The following CDK13 variants were observed in gnomAD, a reference collection of about 807,000 sequenced individuals.
CDK13 encodes cyclin dependent kinase 13.
In CDK13, 40 loss-of-function variants were observed where a neutral mutation model predicts 137.6. The observed-to-expected ratio is 0.29, with a 90% CI of 0.23 to 0.38. CDK13 has a LOEUF of 0.38. Ranked by LOEUF, CDK13 falls within the 10% of genes least tolerant of loss-of-function variation. CDK13 has a pLI of 1.00. For missense variants in CDK13, 1,704 were observed against 1,951.8 expected (o/e 0.87, Z 2.39); for synonymous variants, 869 against 760.1 (o/e 1.14, Z -2.36).
chr7:40,071,670 A>T (rs1345796534), intron 9 of CDK13: 1 of 152,178 alleles, frequency 6.6e-6, no homozygotes, highest in Non-Finnish European at 1.5e-5. Context: ...AGATCTTCCA[A>T]ATGTAATGTT....
intron 7 of CDK13, among the ~76,000 whole-genome samples, chr7:40,058,788 G>A (rs1035680234): frequency 2.6e-5 from 4 of 152,132 alleles, no homozygotes; most frequent in African/African-American, 9.7e-5. Context: ...GTAGGTGTTA[G>A]AAAATAGATC....
At chr7:39,975,657 A>C (rs1466251930) in intron 1 of CDK13, among the ~76,000 whole-genome samples, 1 of 152,194 alleles carries the variant, frequency 6.6e-6, no homozygotes, top group Non-Finnish European at 1.5e-5. Flanking sequence ...CCGCCATGTG[A>C]TGATCTAAGC....
chr7:39,988,588 A>T (rs1562714557), intron 2 of CDK13, among the ~76,000 whole-genome samples: 1 of 152,150 alleles, frequency 6.6e-6, no homozygotes, highest in Non-Finnish European at 1.5e-5. Flanking sequence ...ATATTTTATG[A>T]ATAAGTTGGC....
intron 2 of CDK13, among the ~76,000 whole-genome samples, chr7:39,993,259 G>A (rs1193881399): frequency 6.6e-6 from 1 of 152,000 alleles, no homozygotes; most frequent in Admixed American, 6.6e-5. Context: ...GTAAATACGT[G>A]TTTCCCCATA....
chr7:40,043,554 T>A (rs1395080683), intron 5 of CDK13, among the ~76,000 whole-genome samples: 1 of 152,134 alleles, frequency 6.6e-6, no homozygotes, highest in Non-Finnish European at 1.5e-5. Context: ...GCGTGGTACC[T>A]CAAACCTGTA....
In CDK13 at chr7:39,992,163, G is replaced by GGTGTGT. The variant is rs140203379; in HGVS notation, c.1871+3938_1871+3943dup. Among the ~76,000 whole-genome samples, 1,453 of 146,366 alleles carry GGTGTGT rather than the reference G, an allele frequency of 9.9e-3. 17 individuals are homozygous for GGTGTGT. The highest frequency in any genetic ancestry group is 0.028 in the African/African-American group (1,087 of 39,360). Reference sequence around the variant, plus strand: ...CTAGTTGTTTAAGAGAACTAATGAGGGTGTGTGTGTGTGTGTGTGTGTGTG... The same window carrying GGTGTGT: ...CTAGTTGTTTAAGAGAACTAATGAGGGTGTGTGTGTGTGTGTGTGTGTGTGTGTGTG... On this transcript the variant is annotated intron_variant, in intron 2 of 13. Coordinates refer to ENST00000181839, the MANE Select transcript of CDK13 (RefSeq NM_003718.5).
chr7:39,953,940 T>C (rs1787322465), intron 1 of CDK13, among the ~76,000 whole-genome samples: 4 of 152,224 alleles, frequency 2.6e-5, no homozygotes, highest in Admixed American at 2.6e-4. Context: ...GAAACACTTG[T>C]TTTTCTGGAT....
rs572371948 is a variant in CDK13 at position 40,038,246 on chromosome 7, C to T, written c.2354-7590C>T. ...CAATGTTGTAAGTGCTCTGCTGTACCTTTTTCTTTTCATTTAACCATATAT... is the reference window on the plus strand; with the variant it reads ...CAATGTTGTAAGTGCTCTGCTGTACTTTTTTCTTTTCATTTAACCATATAT... On this transcript the variant is annotated intron_variant, in intron 5 of 13. Coordinates refer to ENST00000181839, the MANE Select transcript of CDK13 (RefSeq NM_003718.5). Among the ~76,000 whole-genome samples, 13 of 151,958 alleles carry T rather than the reference C, an allele frequency of 8.6e-5. No homozygotes were observed. In the South Asian group the frequency reaches 2.7e-3, roughly 32 times the overall value.
intron 1 of CDK13, chr7:39,985,162 A>G (rs767113118): frequency 2.9e-5 from 4 of 136,164 alleles, no homozygotes; most frequent in East Asian, 2.2e-4. Flanking sequence ...TCTACTCTCT[A>G]TCTCCATGAG....
At chr7:39,953,917 A>G (rs116356190) in intron 1 of CDK13, among the ~76,000 whole-genome samples, 164 of 152,354 alleles carry the variant, frequency 1.1e-3, no homozygotes, top group African/African-American at 3.8e-3. Flanking sequence ...TCAGTTTCCT[A>G]AACTGTAACA....
At chr7:40,023,913 C>T (rs1045837836) in intron 5 of CDK13, among the ~76,000 whole-genome samples, 3 of 152,136 alleles carry the variant, frequency 2.0e-5, no homozygotes, top group South Asian at 2.1e-4. Context: ...TTTATTTGTC[C>T]TTAGTCAGCT....
intron 1 of CDK13, among the ~76,000 whole-genome samples, chr7:39,953,823 A>T (rs1259698766): frequency 6.6e-6 from 1 of 152,208 alleles, no homozygotes; most frequent in African/African-American, 2.4e-5. Flanking sequence ...CCTGAAATAC[A>T]TCTAGAGGTG....
chr7:39,988,368 A>G, intron 2 of CDK13, 110 bp downstream of exon 2: 1 of 707,256 alleles, frequency 1.4e-6, no homozygotes, highest in Non-Finnish European at 2.3e-6. Context: ...AGTGAAAAAG[A>G]CTACAAGTGA....
intron 9 of CDK13, among the ~76,000 whole-genome samples, chr7:40,076,563 G>A (rs1786548700): frequency 6.6e-6 from 1 of 152,086 alleles, no homozygotes; most frequent in Admixed American, 6.6e-5. Flanking sequence ...GGGTTGAGGA[G>A]GTTGTGAAAA....
At chr7:39,980,819 TAGTC>T (rs1784208310) in intron 1 of CDK13, among the ~76,000 whole-genome samples, 1 of 152,158 alleles carries the variant, frequency 6.6e-6, no homozygotes, top group Non-Finnish European at 1.5e-5. Flanking sequence ...TGTGAGATAA[TAGTC>T]AAGTGAACAA....
chr7:40,038,382 G>C (rs1422963811), intron 5 of CDK13, among the ~76,000 whole-genome samples: 2 of 152,136 alleles, frequency 1.3e-5, no homozygotes, highest in South Asian at 2.1e-4. Context: ...TATTCAGCTA[G>C]TTTCCTAATG....
intron 5 of CDK13, among the ~76,000 whole-genome samples, chr7:40,032,405 A>G (rs1377989708): frequency 6.6e-6 from 1 of 152,166 alleles, no homozygotes; most frequent in Admixed American, 6.5e-5. Flanking sequence ...ACGCTATCCA[A>G]CATATTAGTT....
chr7:39,996,981 A>AAAAAAAAAG (rs1562719366), intron 2 of CDK13, among the ~76,000 whole-genome samples: 11 of 150,350 alleles, frequency 7.3e-5, no homozygotes, highest in African/African-American at 2.5e-4. Context: ...AAAAAAGAAA[A>AAAAAAAAAG]AAAAAAAGAA....
At chr7:40,039,594 G>A (rs922467428) in intron 5 of CDK13, among the ~76,000 whole-genome samples, 1 of 151,942 alleles carries the variant, frequency 6.6e-6, no homozygotes, top group African/African-American at 2.4e-5. Context: ...ACCATGCCCG[G>A]CTAATTTTTG....
Sources: allele counts gnomAD v4.1 joint callset (sites outside exome capture counted in the v4.1 genomes callset), GRCh38; gene constraint gnomAD v4.1.1; transcripts MANE v1.5; gene names NCBI Gene and HGNC (gene_info 2026-07-23, HGNC 2026-07-21).